Variants in SCHIP1 observed in about 807,000 individuals in gnomAD.
The protein encoded by SCHIP1 is schwannomin-interacting protein 1.
SCHIP1 carries 8 observed loss-of-function variants against 29.7 expected under a neutral mutation model. That is an observed-to-expected ratio of 0.27 (90% CI 0.16 to 0.49). SCHIP1 has a LOEUF of 0.49. SCHIP1 is among the 20% of genes least tolerant of loss of function. The pLI is 0.99. For synonymous variants in SCHIP1, 76 were observed against 94.9 expected, an observed-to-expected ratio of 0.80 and a Z score of 1.16; for missense variants, 193 against 294.6, an observed-to-expected ratio of 0.66 and a Z score of 2.52.
chr3:159,792,390 C>CACTGGTACT, the SCHIP1 span, among the ~76,000 whole-genome samples: 1 of 152,216 alleles, frequency 6.6e-6, no homozygotes, highest in East Asian at 1.9e-4. Flanking sequence ...TGAGGATGAA[C>CACTGGTACT]ACTGGTACTG....
chr3:159,393,375 T>C, the SCHIP1 span, among the ~76,000 whole-genome samples: 9 of 151,976 alleles, frequency 5.9e-5, no homozygotes, highest in African/African-American at 2.2e-4. Context: ...GTTTTAGACA[T>C]GAAGTCCTTG....
At chr3:159,683,828 A>T in the SCHIP1 span, among the ~76,000 whole-genome samples, 1 of 152,244 alleles carries the variant, frequency 6.6e-6, no homozygotes. Context: ...ACTCTGGTGT[A>T]TAGAACAATC....
At chr3:159,473,566 C>A in the SCHIP1 span, among the ~76,000 whole-genome samples, 30 of 151,268 alleles carry the variant, frequency 2.0e-4, no homozygotes, top group East Asian at 5.8e-3. Flanking sequence ...ATTTGCTACA[C>A]CCTGTACAAT....
At chr3:159,893,576 T>A (rs915326444) in intron 6 of SCHIP1, 1 of 152,208 alleles carries the variant, frequency 6.6e-6, no homozygotes, top group African/African-American at 2.4e-5. Flanking sequence ...ATCTTTTCTC[T>A]GTCTCTCAGA....
chr3:159,391,220 C>G, the SCHIP1 span, among the ~76,000 whole-genome samples: 1 of 152,144 alleles, frequency 6.6e-6, no homozygotes, highest in African/African-American at 2.4e-5. Context: ...ATCCAGTTCT[C>G]CTAGAGTTTT....
intron 2 of SCHIP1, among the ~76,000 whole-genome samples, chr3:159,885,055 C>T (rs1454818760): frequency 6.6e-6 from 1 of 152,134 alleles, no homozygotes; most frequent in African/African-American, 2.4e-5. Flanking sequence ...TTTCTGGGTT[C>T]TGTGTTGTTT....
chr3:159,569,249 T>C, the SCHIP1 span, among the ~76,000 whole-genome samples: 3 of 152,140 alleles, frequency 2.0e-5, no homozygotes, highest in South Asian at 4.1e-4. Context: ...ACTTGTGCCA[T>C]GTTGGTTTGC....
chr3:159,273,377 A>G, the SCHIP1 span: 15 of 997,636 alleles, frequency 1.5e-5, 1 homozygote, highest in Middle Eastern at 5.1e-4. Flanking sequence ...TCTTAACTCT[A>G]TTTTATTGTA....
At chr3:159,505,921 G>T in the SCHIP1 span, among the ~76,000 whole-genome samples, 89 of 152,202 alleles carry the variant, frequency 5.8e-4, no homozygotes, top group African/African-American at 2.0e-3. Flanking sequence ...GAATAGTGCC[G>T]CAATAAACAT....
At chr3:159,536,133 T>A in the SCHIP1 span, among the ~76,000 whole-genome samples, 1 of 152,204 alleles carries the variant, frequency 6.6e-6, no homozygotes, top group Non-Finnish European at 1.5e-5. Context: ...ATGGAACATT[T>A]CCAACATCAC....
At chr3:159,729,758 A>G in the SCHIP1 span, among the ~76,000 whole-genome samples, 1 of 152,344 alleles carries the variant, frequency 6.6e-6, no homozygotes, top group South Asian at 2.1e-4. Context: ...TGAATGTAAT[A>G]GCAACAAAAA....
the SCHIP1 span, among the ~76,000 whole-genome samples, chr3:159,535,678 C>G: frequency 2.0e-5 from 3 of 152,250 alleles, no homozygotes; most frequent in East Asian, 5.8e-4. Context: ...ATTTATTGAC[C>G]TCATCATAAC....
the SCHIP1 span, among the ~76,000 whole-genome samples, chr3:159,746,970 A>G: frequency 1.1e-4 from 16 of 152,158 alleles, no homozygotes; most frequent in Admixed American, 3.3e-4. Context: ...TACCTTTTCC[A>G]TAGCACTCTT....
chr3:159,756,933 T>C, the SCHIP1 span, among the ~76,000 whole-genome samples: 1 of 152,220 alleles, frequency 6.6e-6, no homozygotes, highest in African/African-American at 2.4e-5. Flanking sequence ...ACCACTTCAG[T>C]CAGCCTGACT....
At chr3:159,332,310 T>TA in the SCHIP1 span, among the ~76,000 whole-genome samples, 1 of 152,194 alleles carries the variant, frequency 6.6e-6, no homozygotes, top group Non-Finnish European at 1.5e-5. Flanking sequence ...TTACTGGCTT[T>TA]ACAGGCAAAA....
At chr3:159,367,398 CA>C in the SCHIP1 span, among the ~76,000 whole-genome samples, 4,770 of 127,904 alleles carry the variant, frequency 0.037, 159 homozygotes, top group African/African-American at 0.11. Context: ...AACTCCATCT[CA>C]AAAAAAAAAA....
At chr3:159,888,696 A>C (rs1014784949) in intron 4 of SCHIP1, 124 bp from the exon 6 acceptor site, 1 of 1,415,248 alleles carries the variant, frequency 7.1e-7, no homozygotes, top group Admixed American at 2.3e-5. Flanking sequence ...CAGACTGGGA[A>C]AGCTTTTAAT....
the SCHIP1 span, among the ~76,000 whole-genome samples, chr3:159,430,411 A>T: frequency 1.3e-5 from 2 of 152,184 alleles, no homozygotes; most frequent in African/African-American, 4.8e-5. Flanking sequence ...AGTAATCAGA[A>T]CTAGTGATTA....
the SCHIP1 span, among the ~76,000 whole-genome samples, chr3:159,642,105 C>T: frequency 2.2e-4 from 33 of 152,032 alleles, no homozygotes; most frequent in Non-Finnish European, 4.7e-4. Flanking sequence ...ACTGTTTCCC[C>T]ATATGTAAAA....
Sources: gnomAD v4.1 joint callset for allele counts (sites outside exome capture counted in the v4.1 genomes callset) on GRCh38, gnomAD v4.1.1 for gene constraint, MANE v1.5 for transcripts, NCBI Gene and HGNC (gene_info 2026-07-23, HGNC 2026-07-21) for gene names.